The following PITPNM3 variants were observed in gnomAD, a reference collection of about 807,000 sequenced individuals.
PITPNM3 encodes the protein membrane-associated phosphatidylinositol transfer protein 3.
Under a neutral mutation model 102.0 loss-of-function variants are expected in PITPNM3, and 26 were observed. The observed-to-expected ratio is 0.25, with a 90% CI of 0.19 to 0.35. The LOEUF (loss-of-function observed/expected upper bound fraction) is 0.35, where lower values mean the gene tolerates loss of function less well. Among genes scored for constraint, PITPNM3 ranks in the 10% least tolerant of loss-of-function variants. The pLI, the probability that PITPNM3 is intolerant of heterozygous loss-of-function variation, is 1.00. For synonymous variants in PITPNM3, 578 were observed against 558.6 expected, an observed-to-expected ratio of 1.03 and a Z score of -0.49; for missense variants, 1,083 against 1,346.1, an observed-to-expected ratio of 0.80 and a Z score of 3.06.
At chr17:6,505,773 G>A (rs1476588122) in intron 3 of PITPNM3, among the ~76,000 whole-genome samples, 1 of 152,248 alleles carries the variant, frequency 6.6e-6, no homozygotes, top group Non-Finnish European at 1.5e-5. Context: ...AGGGGCCATG[G>A]AGGATACAGA....
intron 9 of PITPNM3, 22 bp from the exon 10 acceptor site, chr17:6,474,626 G>C: frequency 6.5e-7 from 1 of 1,549,988 alleles, no homozygotes; most frequent in Non-Finnish European, 8.7e-7. Context: ...GGAGGACGCA[G>C]GGCAGGGCAG....
Position 6,464,338 on chromosome 17 carries a change from C to A in PITPNM3, c.2008-20G>T. On this transcript the variant is annotated intron_variant, in intron 15 of 19. Coordinates refer to ENST00000262483, the MANE Select transcript of PITPNM3 (RefSeq NM_031220.4). ...GTCCACCTGCGGCAGTGAAGGGGGT[C>A]AGGGACTCCCTGAAGGCTGAGGGGC... is the stretch of plus-strand genomic sequence containing the variant. 1 of 1,611,974 alleles carries A rather than the reference C, an allele frequency of 6.2e-7. No individual in the cohort carries two copies. Among genetic ancestry groups the A allele is most frequent in the South Asian group, 1.1e-5 (1 of 91,058 alleles).
intron 4 of PITPNM3, among the ~76,000 whole-genome samples, chr17:6,498,336 C>T (rs1014081805): frequency 1.3e-5 from 2 of 152,238 alleles, no homozygotes; most frequent in African/African-American, 4.8e-5. Context: ...CCACGCTCCT[C>T]CCAGAGCTAG....
At position 6,503,586 on chromosome 17, in the gene PITPNM3, G is replaced by C; in HGVS notation, c.227-12C>G. The C allele has an allele frequency of 6.2e-7, 1 of 1,607,580 alleles. No homozygotes were observed. The highest frequency in any genetic ancestry group is 8.5e-7 in the Non-Finnish European group (1 of 1,179,834). ...CGCGGTCCCTTCTCCTGCAGAAAAA[G>C]AAAAGAAACATGAGCAGATCCTTGA... is the stretch of plus-strand genomic sequence containing the variant. On this transcript the variant is annotated splice_polypyrimidine_tract_variant and intron_variant, in intron 3 of 19. Transcript: ENST00000262483.
At chr17:6,509,248 T>C (rs1907723788) in intron 3 of PITPNM3, among the ~76,000 whole-genome samples, 1 of 152,194 alleles carries the variant, frequency 6.6e-6, no homozygotes, top group South Asian at 2.1e-4. Flanking sequence ...ATAACTCTTC[T>C]TCCAATCCCC....
intron 4 of PITPNM3, 114 bp from the exon 5 acceptor site, chr17:6,484,406 T>C: frequency 9.3e-7 from 1 of 1,073,824 alleles, no homozygotes; most frequent in Admixed American, 1.7e-5. Context: ...ACAGGTGAGC[T>C]CAAGTTAGAG....
At position 6,537,233 on chromosome 17, in the gene PITPNM3, T is replaced by C. The variant is rs557780315; in HGVS notation, c.118+754A>G. ...AACACTCTGGCACTCCCTGCATCTA[T>C]GAGGCTCATTTATTTTTTCTTTCTT... On this transcript the variant is annotated intron_variant, in intron 2 of 19. Coordinates refer to ENST00000262483, the MANE Select transcript of PITPNM3 (RefSeq NM_031220.4). The surrounding 1 kb of genome is among the most constrained non-coding windows in gnomAD (Gnocchi z 4.4). Among the ~76,000 whole-genome samples, 5 of 151,656 alleles carry C rather than the reference T, an allele frequency of 3.3e-5. No homozygotes were observed. The South Asian group carries it at 1.0e-3, about 32-fold the overall frequency.
At chr17:6,483,851 A>C in intron 5 of PITPNM3, 99 bp from the exon 6 acceptor site, 1 of 989,440 alleles carries the variant, frequency 1.0e-6, no homozygotes, top group Non-Finnish European at 1.6e-6. Flanking sequence ...ACACACACTC[A>C]CACACACGCA....
intron 3 of PITPNM3, among the ~76,000 whole-genome samples, chr17:6,524,967 T>TC (rs992802078): frequency 6.6e-6 from 1 of 152,140 alleles, no homozygotes; most frequent in African/African-American, 2.4e-5. Flanking sequence ...TCCTTCTCTC[T>TC]CCCCTTAGAC....
intron 4 of PITPNM3, among the ~76,000 whole-genome samples, chr17:6,495,522 G>T (rs998108453): frequency 1.2e-4 from 19 of 152,194 alleles, no homozygotes; most frequent in Non-Finnish European, 2.5e-4. Flanking sequence ...AACAACATAA[G>T]AAGACCTGGC....
At chr17:6,504,842 C>T (rs1478242662) in intron 3 of PITPNM3, among the ~76,000 whole-genome samples, 1 of 152,140 alleles carries the variant, frequency 6.6e-6, no homozygotes, top group Non-Finnish European at 1.5e-5. Context: ...AGTACTGGTA[C>T]TTGCCTCGGA....
intron 4 of PITPNM3, among the ~76,000 whole-genome samples, chr17:6,499,132 A>G (rs34677202): frequency 0.21 from 32,049 of 151,598 alleles, 3,607 homozygotes; most frequent in African/African-American, 0.28. Context: ...GACCCCCACC[A>G]AGCCCCCACA....
chr17:6,536,483 A>G (rs1034558039), intron 2 of PITPNM3, among the ~76,000 whole-genome samples: 1 of 152,172 alleles, frequency 6.6e-6, no homozygotes, highest in African/African-American at 2.4e-5. Context: ...CGCCCATGGG[A>G]GACAGGCCCC....
At position 6,451,502 on chromosome 17, in the gene PITPNM3, A is replaced by G. The variant is rs1597353622; in HGVS notation, c.*3836T>C. ...TCACAGATAATACTGAAAGTTACAC[A>G]CTTAGGAACAGTCAGACCACAGACA... On this transcript the variant is annotated 3_prime_UTR_variant, in exon 20 of 20. Transcript: ENST00000262483. The G allele has an allele frequency of 1.3e-5, 2 of 152,294 alleles. No individual in the cohort carries two copies. Among genetic ancestry groups the G allele is most frequent in the Middle Eastern group, 3.4e-3 (1 of 294 alleles). The allele number at this position is 152,294 out of a possible 1,614,324, so 9.4% of individuals were successfully genotyped here. A position where few individuals can be genotyped will look rare whatever the true frequency, so the allele number is the denominator to read the frequency against.
chr17:6,497,709 GA>G (rs1906921705), intron 4 of PITPNM3, among the ~76,000 whole-genome samples: 1 of 152,208 alleles, frequency 6.6e-6, no homozygotes, highest in African/African-American at 2.4e-5. Context: ...GCTGGCTCTG[GA>G]AAAGCCATGA....
In PITPNM3 at chr17:6,470,640, G is replaced by A. The variant is rs1488890384; in HGVS notation, c.1625-232C>T. On this transcript the variant is annotated intron_variant, in intron 12 of 19. Coordinates refer to ENST00000262483, the MANE Select transcript of PITPNM3 (RefSeq NM_031220.4). The surrounding 1 kb of genome is among the most constrained non-coding windows in gnomAD (Gnocchi z 4.8). ...TGCGTGCCAAGCCCATGCCCAGGAA[G>A]GAGGGCCAGACCCACAGAGACGTCC... 1.3e-5 allele frequency among the ~76,000 whole-genome samples: 2 copies of A among 152,204 alleles called. No individual in the cohort carries two copies. Among genetic ancestry groups the A allele is most frequent in the African/African-American group, 4.8e-5 (2 of 41,456 alleles).
chr17:6,504,751 T>A (rs546207997), intron 3 of PITPNM3, among the ~76,000 whole-genome samples: 17 of 152,180 alleles, frequency 1.1e-4, no homozygotes, highest in Non-Finnish European at 1.3e-4. Flanking sequence ...AATGCCAGCT[T>A]CTTCACTTAC....
intron 17 of PITPNM3, among the ~76,000 whole-genome samples, chr17:6,462,305 A>G (rs980599016): frequency 2.6e-5 from 4 of 152,034 alleles, no homozygotes; most frequent in African/African-American, 9.7e-5. Context: ...GTCTAACAGC[A>G]TCTCCAGCTC....
At chr17:6,464,418 G>A in intron 15 of PITPNM3, 100 bp from the exon 16 acceptor site, 1 of 1,310,920 alleles carries the variant, frequency 7.6e-7, no homozygotes, top group Non-Finnish European at 1.1e-6. Context: ...GTCCCTGCCT[G>A]ACATTCCCTG....
Sources: gnomAD v4.1 joint callset for allele counts (sites outside exome capture counted in the v4.1 genomes callset) on GRCh38, gnomAD v4.1.1 for gene constraint, Gnocchi (gnomAD v3.1) non-coding constraint, MANE v1.5 for transcripts, NCBI Gene and HGNC (gene_info 2026-07-23, HGNC 2026-07-21) for gene names.